The following CNBD1 variants were observed in gnomAD, a reference collection of about 807,000 sequenced individuals.
The protein encoded by CNBD1 is cyclic nucleotide binding domain containing 1.
Under a neutral mutation model 54.4 loss-of-function variants are expected in CNBD1, and 71 were observed. That is an observed-to-expected ratio of 1.30 (90% confidence interval 1.08 to 1.59). The LOEUF is 1.59. CNBD1 is among the 40% of genes most tolerant of loss of function. CNBD1 has a pLI of 0.00. For synonymous variants in CNBD1, 182 were observed against 170.7 expected (o/e 1.07, Z -0.51); for missense variants, 659 against 518.0 (o/e 1.27, Z -2.64).
intron 4 of CNBD1, among the ~76,000 whole-genome samples, chr8:87,102,541 A>C (rs371400182): frequency 1.3e-5 from 2 of 152,218 alleles, no homozygotes; most frequent in African/African-American, 4.8e-5. Flanking sequence ...GATGGCAAGA[A>C]ATAGTTAATA....
rs889191287 is a variant in CNBD1 at position 87,014,124 on chromosome 8, C to G, written c.431+74370C>G. On this transcript the variant is annotated intron_variant, in intron 4 of 10. Coordinates refer to ENST00000518476, the MANE Select transcript of CNBD1 (RefSeq NM_173538.3). The stretch of plus-strand genomic sequence containing the variant: ...CTCTAATCAACTGGCTTTAAAAAAG[C>G]ACTCAAATCAAATACAGAAAACAAA... 2.6e-5 allele frequency among the ~76,000 whole-genome samples: 4 copies of G among 151,320 alleles called. No homozygotes were observed. In the East Asian group the frequency reaches 7.7e-4, roughly 29 times the overall value.
chr8:86,890,164 AC>A lies in CNBD1; in HGVS notation c.158+2556del, dbSNP rs1480398942. ...CAATACATTTTTATTAACTTTAGTCACCCTGTTGTGCAATAGATCTTAAAAT... is the reference window on the plus strand; with the variant it reads ...CAATACATTTTTATTAACTTTAGTCACCTGTTGTGCAATAGATCTTAAAAT... On this transcript the variant is annotated intron_variant, in intron 2 of 10. Transcript: ENST00000518476. Among the ~76,000 whole-genome samples, 8 of 152,160 alleles carry A rather than the reference AC, an allele frequency of 5.3e-5. No homozygotes were observed. The East Asian group carries it at 1.4e-3, about 26-fold the overall frequency.
intron 6 of CNBD1, among the ~76,000 whole-genome samples, chr8:87,265,355 T>C (rs1445558479): frequency 6.6e-6 from 1 of 152,116 alleles, no homozygotes; most frequent in Non-Finnish European, 1.5e-5. Flanking sequence ...GTCCCACTGG[T>C]CTATATCTCT....
At chr8:87,048,822 A>G (rs1810254122) in intron 4 of CNBD1, among the ~76,000 whole-genome samples, 1 of 152,134 alleles carries the variant, frequency 6.6e-6, no homozygotes, top group Admixed American at 6.5e-5. Flanking sequence ...CTGCCTGTTG[A>G]GGGGATTATT....
rs568451084 is a variant in CNBD1, at chr8:86,961,743, C to T, written c.431+21989C>T. Among the ~76,000 whole-genome samples the T allele has an allele frequency of 2.0e-5, 3 of 152,346 alleles. No homozygotes were observed. The East Asian group carries it at 5.8e-4, about 29-fold the overall frequency. The stretch of plus-strand genomic sequence containing the variant: ...TGTAAGGCCATGCTTTCTCAGGCTT[C>T]CTGTTCCACCAGAGTGACAGCCATG... On this transcript the variant is annotated intron_variant, in intron 4 of 10. Coordinates refer to ENST00000518476, the MANE Select transcript of CNBD1 (RefSeq NM_173538.3).
chr8:87,273,887 G>A lies in CNBD1; in HGVS notation c.772-10791G>A, dbSNP rs554833338. 8.6e-5 allele frequency among the ~76,000 whole-genome samples: 13 copies of A among 151,322 alleles called. 1 individual carries two copies. The highest frequency in any genetic ancestry group is 2.7e-4 in the African/African-American group (11 of 41,308). ...GCTGCACCCACTAACTCGTCATCTA[G>A]CATTAGGTATATCTCCCAATGCTAT... is the stretch of plus-strand genomic sequence containing the variant. On this transcript the variant is annotated intron_variant, in intron 6 of 10. Transcript: ENST00000518476.
intron 4 of CNBD1, among the ~76,000 whole-genome samples, chr8:87,004,555 C>A (rs1017187297): frequency 4.0e-5 from 6 of 150,590 alleles, no homozygotes; most frequent in African/African-American, 4.9e-5. Context: ...AAAAAAAAAA[C>A]CCTGTAATTT....
At chr8:87,081,235 T>C (rs1810984061) in intron 4 of CNBD1, among the ~76,000 whole-genome samples, 1 of 152,166 alleles carries the variant, frequency 6.6e-6, no homozygotes, top group African/African-American at 2.4e-5. Flanking sequence ...TATTTTCTAA[T>C]CTTTCCTTAT....
At chr8:87,361,384 C>T (rs1040792549) in intron 10 of CNBD1, among the ~76,000 whole-genome samples, 1 of 151,438 alleles carries the variant, frequency 6.6e-6, no homozygotes, top group African/African-American at 2.4e-5. Context: ...AGGAGATTAA[C>T]ATTACAAGGG....
chr8:87,253,807 C>T (rs991297242), intron 6 of CNBD1, among the ~76,000 whole-genome samples: 1 of 151,914 alleles, frequency 6.6e-6, no homozygotes, highest in Non-Finnish European at 1.5e-5. Context: ...TGATGAACAA[C>T]AAAAACAACA....
chr8:87,411,917 A>C (rs1421899901), intron 2 of CNBD1, among the ~76,000 whole-genome samples: 1 of 151,996 alleles, frequency 6.6e-6, no homozygotes, highest in Admixed American at 6.6e-5. Context: ...CAATTTGTTT[A>C]AAAAAGTTTT....
At chr8:87,136,070 A>T (rs1177174797) in intron 4 of CNBD1, among the ~76,000 whole-genome samples, 1 of 152,050 alleles carries the variant, frequency 6.6e-6, no homozygotes, top group East Asian at 1.9e-4. Context: ...CCTTCACTTA[A>T]AATCCAACTT....
At chr8:87,178,806 A>G (rs1563497236) in intron 4 of CNBD1, among the ~76,000 whole-genome samples, 1 of 152,214 alleles carries the variant, frequency 6.6e-6, no homozygotes, top group Non-Finnish European at 1.5e-5. Context: ...ACAGAACCCA[A>G]AGGTAGAGTT....
At chr8:87,088,834 G>C (rs1811151384) in intron 4 of CNBD1, among the ~76,000 whole-genome samples, 18 of 152,062 alleles carry the variant, frequency 1.2e-4, no homozygotes, top group Admixed American at 1.2e-3. Flanking sequence ...TGGAATTTTG[G>C]TGTGTAAAAG....
intron 4 of CNBD1, among the ~76,000 whole-genome samples, chr8:87,038,181 A>T (rs1407614706): frequency 2.6e-5 from 4 of 152,124 alleles, no homozygotes; most frequent in Non-Finnish European, 5.9e-5. Context: ...AGCCATGTTG[A>T]TATGTGGGTT....
chr8:87,012,924 C>T (rs558860338), intron 4 of CNBD1, among the ~76,000 whole-genome samples: 175 of 152,338 alleles, frequency 1.1e-3, no homozygotes, highest in African/African-American at 4.1e-3. Context: ...ACCCTGGGCA[C>T]ATGTTCTCAG....
chr8:87,305,565 C>A (rs778937240), intron 8 of CNBD1, among the ~76,000 whole-genome samples: 1 of 152,044 alleles, frequency 6.6e-6, no homozygotes, highest in Non-Finnish European at 1.5e-5. Flanking sequence ...GGCACATAGA[C>A]CCATGGAACA....
chr8:87,191,463 C>T (rs80311720), intron 4 of CNBD1, among the ~76,000 whole-genome samples: 2,799 of 152,272 alleles, frequency 0.018, 94 homozygotes, highest in African/African-American at 0.064. Context: ...CCTTCAGAGA[C>T]ACCCCCAGAA....
intron 10 of CNBD1, among the ~76,000 whole-genome samples, chr8:87,357,028 A>C (rs1810433698): frequency 6.6e-6 from 1 of 152,210 alleles, no homozygotes; most frequent in Non-Finnish European, 1.5e-5. Context: ...ACTGTAAGCT[A>C]TAAGCCTTTG....
Sources: allele counts gnomAD v4.1 joint callset (sites outside exome capture counted in the v4.1 genomes callset), GRCh38; gene constraint gnomAD v4.1.1; transcripts MANE v1.5; gene names NCBI Gene and HGNC (gene_info 2026-07-23, HGNC 2026-07-21).